The following XKR6 variants were observed in gnomAD, a reference collection of about 807,000 sequenced individuals.
XKR6 encodes XK related 6, also known as XK-related protein 6.
A neutral mutation model predicts 56.7 loss-of-function variants in XKR6; 22 were observed. The observed-to-expected ratio is 0.39, with a 90% confidence interval of 0.28 to 0.55. The LOEUF (loss-of-function observed/expected upper bound fraction) is 0.55. XKR6 is among the 20% of genes least tolerant of loss of function. The pLI is 0.66. For missense variants in XKR6, 852 were observed against 889.0 expected (o/e 0.96, Z 0.53); for synonymous variants, 524 against 387.8 (o/e 1.35, Z -4.13).
chr8:10,978,187 T>A (rs1802623783), intron 1 of XKR6, among the ~76,000 whole-genome samples: 1 of 152,182 alleles, frequency 6.6e-6, no homozygotes, highest in Admixed American at 6.5e-5. Context: ...TAACTCGCCA[T>A]GATTCAGAAC....
intron 1 of XKR6, among the ~76,000 whole-genome samples, chr8:10,978,356 A>G (rs937148245): frequency 2.6e-5 from 4 of 152,252 alleles, no homozygotes; most frequent in Non-Finnish European, 5.9e-5. Flanking sequence ...GAAACTTAAT[A>G]TAACATTCAA....
chr8:11,125,508 G>A (rs1418672189), intron 1 of XKR6, among the ~76,000 whole-genome samples: 1 of 152,136 alleles, frequency 6.6e-6, no homozygotes, highest in African/African-American at 2.4e-5. Flanking sequence ...ACAGAATTGT[G>A]AAGTTTTGTT....
intron 1 of XKR6, among the ~76,000 whole-genome samples, chr8:11,021,759 A>C (rs1054123991): frequency 6.6e-6 from 1 of 152,110 alleles, no homozygotes; most frequent in South Asian, 2.1e-4. Flanking sequence ...TGCTTCATTC[A>C]ACTATGCTAA....
intron 1 of XKR6, among the ~76,000 whole-genome samples, chr8:11,010,862 G>A (rs1400021004): frequency 1.3e-5 from 2 of 151,744 alleles, no homozygotes; most frequent in Admixed American, 6.6e-5. Flanking sequence ...CACCACAGTC[G>A]TGGTATGAGT....
At chr8:10,941,682 C>G (rs1489530249) in intron 1 of XKR6, among the ~76,000 whole-genome samples, 1 of 152,220 alleles carries the variant, frequency 6.6e-6, no homozygotes, top group Non-Finnish European at 1.5e-5. Flanking sequence ...GACCTCAGAG[C>G]CTACAGTCTG....
intron 1 of XKR6, among the ~76,000 whole-genome samples, chr8:11,141,925 T>C (rs1214785289): frequency 6.6e-6 from 1 of 151,646 alleles, no homozygotes; most frequent in African/African-American, 2.4e-5. Context: ...CTTGATCTGG[T>C]AACTGGTTAT....
At chr8:10,901,855 C>T (rs1252175807) in intron 2 of XKR6, among the ~76,000 whole-genome samples, 1 of 152,170 alleles carries the variant, frequency 6.6e-6, no homozygotes, top group African/African-American at 2.4e-5. Flanking sequence ...TCAGACTTCG[C>T]TGTTCTGATT....
intron 1 of XKR6, among the ~76,000 whole-genome samples, chr8:10,933,122 T>C (rs1801110859): frequency 6.7e-6 from 1 of 150,324 alleles, no homozygotes; most frequent in Non-Finnish European, 1.5e-5. Context: ...CATAGTGGTT[T>C]TGATTTGCAT....
At chr8:11,110,882 G>C (rs560950682) in intron 1 of XKR6, among the ~76,000 whole-genome samples, 9 of 151,892 alleles carry the variant, frequency 5.9e-5, no homozygotes, top group Non-Finnish European at 1.0e-4. Context: ...TGTTGCCCAG[G>C]CTGGAGTGCA....
At chr8:11,089,306 C>A (rs1233905458) in intron 1 of XKR6, among the ~76,000 whole-genome samples, 1 of 152,192 alleles carries the variant, frequency 6.6e-6, no homozygotes, top group Non-Finnish European at 1.5e-5. Flanking sequence ...ATTTATCATA[C>A]ACTCACGCCA....
At chr8:10,937,883 A>G (rs1489129188) in intron 1 of XKR6, among the ~76,000 whole-genome samples, 1 of 152,012 alleles carries the variant, frequency 6.6e-6, no homozygotes, top group Non-Finnish European at 1.5e-5. Flanking sequence ...CCAGAGGTGG[A>G]GCCTACAGAG....
At chr8:11,078,562 G>A (rs561943405) in intron 1 of XKR6, among the ~76,000 whole-genome samples, 1 of 152,314 alleles carries the variant, frequency 6.6e-6, no homozygotes, top group African/African-American at 2.4e-5. Flanking sequence ...AGGATTTGGG[G>A]AAGGAAGTGC....
Position 11,201,037 on chromosome 8 carries a change from G to C in XKR6, c.303C>G (p.Pro101=), listed in dbSNP as rs1387145522. Residue 101 remains proline (P), a synonymous_variant, in exon 1 of 3, where the codon CCC becomes CCG. Coordinates refer to ENST00000416569, the MANE Select transcript of XKR6 (RefSeq NM_173683.4). ...GDQPLQPPAA[P]GAGRQPPTPS... ...GCGTCGGGGGTTGGCGGCCGGCGCC[G>C]GGGGCCGCGGGAGGCTGCAGCGGCT... The C allele has an allele frequency of 2.5e-6, 3 of 1,200,078 alleles. No individual in the cohort carries two copies. Among genetic ancestry groups the C allele is most frequent in the Non-Finnish European group, 1.0e-6 (1 of 971,812 alleles). The allele number at this position is 1,200,078 out of a possible 1,614,324, so 74.3% of individuals were successfully genotyped here.
At chr8:11,000,172 C>T (rs1405229154) in intron 1 of XKR6, among the ~76,000 whole-genome samples, 1 of 152,104 alleles carries the variant, frequency 6.6e-6, no homozygotes, top group East Asian at 1.9e-4. Context: ...GACTTCCTCA[C>T]CCCTGGTCCT....
chr8:11,085,080 C>T (rs539346178), intron 1 of XKR6, among the ~76,000 whole-genome samples: 8 of 152,228 alleles, frequency 5.3e-5, no homozygotes, highest in Non-Finnish European at 1.2e-4. Context: ...CCCTTGGCTT[C>T]CTCCTCCGCC....
chr8:11,067,535 A>G lies in XKR6; in HGVS notation c.764+133041T>C, dbSNP rs187624857. 1.4e-4 allele frequency among the ~76,000 whole-genome samples: 22 copies of G among 152,354 alleles called. No individual in the cohort carries two copies. In the East Asian group the frequency reaches 3.7e-3, roughly 25 times the overall value. On this transcript the variant is annotated intron_variant, in intron 1 of 2. Transcript: ENST00000416569. ...TATTGACTATGTCTCACAGTGAAAC[A>G]TTATTTATCTTAGACATGGGCCAAG... is the stretch of plus-strand genomic sequence containing the variant.
chr8:11,057,775 G>T (rs1339559548), intron 1 of XKR6, among the ~76,000 whole-genome samples: 1 of 152,164 alleles, frequency 6.6e-6, no homozygotes, highest in Non-Finnish European at 1.5e-5. Flanking sequence ...GACTCCTTCA[G>T]TGGGGCCTTG....
chr8:10,986,982 G>A (rs1015007147), intron 1 of XKR6, among the ~76,000 whole-genome samples: 1 of 151,806 alleles, frequency 6.6e-6, no homozygotes, highest in Non-Finnish European at 1.5e-5. Flanking sequence ...AGAGATGGGG[G>A]TCTCACTACG....
intron 2 of XKR6, among the ~76,000 whole-genome samples, chr8:10,906,743 G>A (rs1800198987): frequency 6.6e-6 from 1 of 152,160 alleles, no homozygotes; most frequent in African/African-American, 2.4e-5. Context: ...CCTTAAGAAG[G>A]GTCAAAGAGG....
Sources: allele counts gnomAD v4.1 joint callset (sites outside exome capture counted in the v4.1 genomes callset), GRCh38; gene constraint gnomAD v4.1.1; transcripts MANE v1.5; gene names NCBI Gene and HGNC (gene_info 2026-07-23, HGNC 2026-07-21).